The following PCDH7 variants were observed in gnomAD, a reference collection of about 807,000 sequenced individuals.
PCDH7 encodes protocadherin-7.
PCDH7 carries 17 observed loss-of-function variants against 58.9 expected under a neutral mutation model. That is an observed-to-expected ratio of 0.29 (90% CI 0.20 to 0.43). PCDH7 has a LOEUF of 0.43. Ranked by LOEUF, PCDH7 falls within the 20% of genes least tolerant of loss-of-function variation. The pLI, the probability that PCDH7 is intolerant of heterozygous loss-of-function variation, is 1.00. For synonymous variants in PCDH7, 664 were observed against 616.4 expected (o/e 1.08, Z -1.14); for missense variants, 1,274 against 1,441.0 (o/e 0.88, Z 1.88).
intron 3 of PCDH7, among the ~76,000 whole-genome samples, chr4:31,034,164 T>C (rs1167097153): frequency 6.6e-6 from 1 of 152,078 alleles, no homozygotes; most frequent in Non-Finnish European, 1.5e-5. Flanking sequence ...ATTTATCCTA[T>C]CTTGCCACAA....
At chr4:31,090,074 G>A (rs958794842) in intron 3 of PCDH7, among the ~76,000 whole-genome samples, 9 of 151,904 alleles carry the variant, frequency 5.9e-5, no homozygotes, top group African/African-American at 1.9e-4. Flanking sequence ...CTTTGATTTC[G>A]GTGGCCAAAT....
chr4:30,917,273 A>T (rs890341504), intron 1 of PCDH7, among the ~76,000 whole-genome samples: 119 of 152,196 alleles, frequency 7.8e-4, no homozygotes, highest in African/African-American at 2.7e-3. Context: ...TAACTCTTGC[A>T]TCAATGGGAG....
At chr4:31,138,598 C>T (rs1371761280) in intron 3 of PCDH7, among the ~76,000 whole-genome samples, 1 of 152,152 alleles carries the variant, frequency 6.6e-6, no homozygotes, top group African/African-American at 2.4e-5. Flanking sequence ...GTTCCATCCT[C>T]CTTGCTATAT....
At chr4:31,057,801 A>G (rs1757372995) in intron 3 of PCDH7, among the ~76,000 whole-genome samples, 1 of 152,276 alleles carries the variant, frequency 6.6e-6, no homozygotes. Flanking sequence ...CTAAATACAT[A>G]TAGCACAATC....
intron 1 of PCDH7, among the ~76,000 whole-genome samples, chr4:30,801,705 C>T (rs1042003257): frequency 6.6e-6 from 1 of 152,084 alleles, no homozygotes; most frequent in Admixed American, 6.6e-5. Flanking sequence ...TGAAGTGGAA[C>T]TCACAAGGTC....
At chr4:30,727,253 GT>G (rs1298746693) in intron 1 of PCDH7, among the ~76,000 whole-genome samples, 1 of 151,846 alleles carries the variant, frequency 6.6e-6, no homozygotes, top group Non-Finnish European at 1.5e-5. Context: ...TCTTAAGAGT[GT>G]TCTTATCTTC....
At chr4:31,103,946 C>T (rs961406391) in intron 3 of PCDH7, among the ~76,000 whole-genome samples, 3 of 152,140 alleles carry the variant, frequency 2.0e-5, no homozygotes, top group African/African-American at 7.2e-5. Flanking sequence ...ACCCCAAATA[C>T]GTGATACGGT....
intron 1 of PCDH7, among the ~76,000 whole-genome samples, chr4:30,739,800 A>G (rs1716831343): frequency 6.6e-6 from 1 of 152,188 alleles, no homozygotes; most frequent in East Asian, 1.9e-4. Flanking sequence ...CTATATGCCA[A>G]TTATGCTTAA....
chr4:31,016,853 GGTGT>G (rs550224931), intron 3 of PCDH7, among the ~76,000 whole-genome samples: 2 of 147,990 alleles, frequency 1.4e-5, no homozygotes, highest in African/African-American at 5.0e-5. Context: ...GTGTGTGCTG[GGTGT>G]GTGTGTGTGC....
At chr4:30,735,833 TA>T (rs1369453867), downstream of PCDH7, among the ~76,000 whole-genome samples, 1 of 152,194 alleles carries the variant, frequency 6.6e-6, no homozygotes, top group Non-Finnish European at 1.5e-5. Flanking sequence ...AGGATGCCAG[TA>T]AACATCATGC....
chr4:31,045,239 T>A (rs1359442127), intron 3 of PCDH7, among the ~76,000 whole-genome samples: 1 of 152,076 alleles, frequency 6.6e-6, no homozygotes, highest in Non-Finnish European at 1.5e-5. Flanking sequence ...TCTCTGATGC[T>A]CTGGTCTTTC....
chr4:31,070,411 G>A (rs1578713022), intron 3 of PCDH7, among the ~76,000 whole-genome samples: 2 of 151,956 alleles, frequency 1.3e-5, no homozygotes, highest in African/African-American at 4.8e-5. Flanking sequence ...CCAATAATAC[G>A]ACTGACTTTT....
At chr4:31,082,981 A>G (rs995050663) in intron 3 of PCDH7, among the ~76,000 whole-genome samples, 29 of 152,106 alleles carry the variant, frequency 1.9e-4, no homozygotes, top group East Asian at 5.8e-4. Flanking sequence ...GGTGGTGGGC[A>G]CCTGTAGTCC....
At position 30,781,965 on chromosome 4, in the gene PCDH7, A is replaced by G. The variant is rs185407423; in HGVS notation, c.70+57369A>G. Among the ~76,000 whole-genome samples the G allele has an allele frequency of 2.6e-5, 4 of 152,314 alleles. No individual in the cohort carries two copies. The East Asian group carries it at 7.7e-4, about 29-fold the overall frequency. On this transcript the variant is annotated intron_variant, in intron 1 of 3. Coordinates refer to the PCDH7 transcript ENST00000509759. ...TATACTCTAACTTATGTAAATGGGT[A>G]TAGACTTCCCTTTCTTTGATTGGAT...
chr4:31,116,754 T>C (rs1003927678), intron 3 of PCDH7, among the ~76,000 whole-genome samples: 1 of 152,236 alleles, frequency 6.6e-6, no homozygotes, highest in Non-Finnish European at 1.5e-5. Flanking sequence ...ATAGTAAGTG[T>C]GTATGTAGCA....
intron 1 of PCDH7, among the ~76,000 whole-genome samples, chr4:30,758,948 T>G (rs939615102): frequency 2.7e-5 from 4 of 149,338 alleles, no homozygotes; most frequent in Non-Finnish European, 3.0e-5. Flanking sequence ...GTGTTTTTTT[T>G]TTTTTTTTTT....
In PCDH7 at chr4:30,722,292, G is replaced by T; in HGVS notation, c.870G>T (p.Ser290=). ...ACGGCGGCGACCCGCCTCGCTCCTC[G>T]CAGGCCATCCTACGGGTCCTCATCA... is the stretch of plus-strand genomic sequence containing the variant. The change falls in exon 1 of 2, where the codon TCG becomes TCT. Residue 290 remains serine, a synonymous_variant. Coordinates refer to ENST00000361762, the Ensembl canonical transcript of PCDH7. This position sits in a 1 kb window ranked among gnomAD's most constrained non-coding sequence, Gnocchi z 7.6. 1 of 1,605,240 alleles carries T rather than the reference G, an allele frequency of 6.2e-7. No homozygotes were observed. Among genetic ancestry groups the T allele is most frequent in the Non-Finnish European group, 8.5e-7 (1 of 1,176,940 alleles).
chr4:31,142,571 T>C, exon 4 of PCDH7: 1 of 1,367,600 alleles, frequency 7.3e-7, no homozygotes. Context: ...GGTCCGCACT[T>C]CTCCGGAGAG....
intron 3 of PCDH7, among the ~76,000 whole-genome samples, chr4:31,108,698 C>T (rs1715907098): frequency 6.6e-6 from 1 of 152,020 alleles, no homozygotes; most frequent in Admixed American, 6.6e-5. Flanking sequence ...CTGTGCAATA[C>T]ATTGTAGATA....
Sources: gnomAD v4.1 joint callset for allele counts (sites outside exome capture counted in the v4.1 genomes callset) on GRCh38, gnomAD v4.1.1 for gene constraint, Gnocchi (gnomAD v3.1) non-coding constraint, MANE v1.5 for transcripts, NCBI Gene and HGNC (gene_info 2026-07-23, HGNC 2026-07-21) for gene names.